The following RASSF2 variants were observed in gnomAD, a reference collection of about 807,000 sequenced individuals.
RASSF2 encodes the protein Ras association domain family member 2, also known as ras association domain-containing protein 2.
Under a neutral mutation model 46.3 loss-of-function variants are expected in RASSF2, and 34 were observed. That is an observed-to-expected ratio of 0.73 (90% confidence interval 0.56 to 0.98). The LOEUF (loss-of-function observed/expected upper bound fraction) is 0.98, where lower values mean the gene tolerates loss of function less well. RASSF2 is among the 50% of genes least tolerant of loss of function. The probability of loss-of-function intolerance (pLI) is 0.00; values close to 1 mark genes in which losing one functional copy is unlikely to be tolerated. For synonymous variants in RASSF2, 158 were observed against 162.5 expected (o/e 0.97, Z 0.21); for missense variants, 364 against 431.2 (o/e 0.84, Z 1.38).
rs985550477 is a variant in RASSF2 at position 4,790,001 on chromosome 20, A to G, written c.538-304T>C. ...TGAACAAAGCAGGAGGAAAGGAGGG[A>G]TCAGCAAGATGGGGTGGGGTGGGTG... is the stretch of plus-strand genomic sequence containing the variant. On this transcript the variant is annotated intron_variant, in intron 7 of 11. Transcript: ENST00000379400. The surrounding 1 kb of genome is among the most constrained non-coding windows in gnomAD (Gnocchi z 4.3). Among the ~76,000 whole-genome samples the G allele has an allele frequency of 7.2e-5, 11 of 152,212 alleles. No individual in the cohort carries two copies. Among genetic ancestry groups the G allele is most frequent in the African/African-American group, 2.6e-4 (11 of 41,538 alleles).
intron 2 of RASSF2, among the ~76,000 whole-genome samples, chr20:4,806,250 A>G (rs1927333201): frequency 6.6e-6 from 1 of 152,230 alleles, no homozygotes. Flanking sequence ...AGGGGAACCC[A>G]GAGCAGCCTC....
Position 4,781,748 on chromosome 20 carries a change from A to C in RASSF2, c.*2525T>G, listed in dbSNP as rs1238530524. 1.3e-5 allele frequency: 2 copies of C among 152,188 alleles called. No homozygotes were observed. The highest frequency in any genetic ancestry group is 4.8e-5 in the African/African-American group (2 of 41,432). The allele number at this position is 152,188 out of a possible 1,614,324, so 9.4% of individuals were successfully genotyped here. ...CTGCTTTTCACAAGTTGGAAAAAAA[A>C]CCCAACCCTATAAACTGGTCTTTTG... On this transcript the variant is annotated 3_prime_UTR_variant, in exon 12 of 12. Coordinates refer to ENST00000379400, the MANE Select transcript of RASSF2 (RefSeq NM_014737.3).
Position 4,790,368 on chromosome 20 carries a change from C to T in RASSF2, c.537+83G>A. 1 of 1,340,850 alleles carries T rather than the reference C, an allele frequency of 7.5e-7. No individual in the cohort carries two copies. 83.1% of individuals were successfully genotyped at this position (1,340,850 alleles called of 1,614,324 possible). On this transcript the variant is annotated intron_variant, in intron 7 of 11. Coordinates refer to ENST00000379400, the MANE Select transcript of RASSF2 (RefSeq NM_014737.3). This position sits in a 1 kb window ranked among gnomAD's most constrained non-coding sequence, Gnocchi z 4.3. ...CACTTGGCTTCCCAGGCATCCACACCACCCACCATATGGCTGTAGCCCTGA... is the reference window on the plus strand; with the variant it reads ...CACTTGGCTTCCCAGGCATCCACACTACCCACCATATGGCTGTAGCCCTGA...
Position 4,787,766 on chromosome 20 carries a change from C to A in RASSF2, c.692-12G>T. On this transcript the variant is annotated splice_polypyrimidine_tract_variant and intron_variant, in intron 9 of 11. Transcript: ENST00000379400. The stretch of plus-strand genomic sequence containing the variant: ...CAGCTTCTGTTTCTCTGCAACCACA[C>A]ACACCCAGGAGCAGCCCTGAGAGGC... The A allele has an allele frequency of 6.2e-7, 1 of 1,614,174 alleles. No homozygotes were observed. Among genetic ancestry groups the A allele is most frequent in the Non-Finnish European group, 8.5e-7 (1 of 1,180,036 alleles).
chr20:4,809,978 G>A (rs1243584700), intron 2 of RASSF2, among the ~76,000 whole-genome samples: 4 of 152,184 alleles, frequency 2.6e-5, no homozygotes, highest in South Asian at 2.1e-4. Context: ...AACGTGTGCC[G>A]CTAAGACCCA....
At chr20:4,802,019 C>T (rs1263689814) in intron 2 of RASSF2, among the ~76,000 whole-genome samples, 3 of 152,082 alleles carry the variant, frequency 2.0e-5, no homozygotes, top group South Asian at 2.1e-4. Flanking sequence ...GGATTACAGG[C>T]GTGAGCCACC....
rs140314046 is a variant in RASSF2, at chr20:4,792,076, A to G, written c.376+463T>C. 2.9e-3 allele frequency among the ~76,000 whole-genome samples: 445 copies of G among 151,858 alleles called. 4 individuals carry two copies. Among genetic ancestry groups the G allele is most frequent in the African/African-American group, 0.01 (417 of 41,406 alleles). On this transcript the variant is annotated intron_variant, in intron 6 of 11. Coordinates refer to ENST00000379400, the MANE Select transcript of RASSF2 (RefSeq NM_014737.3). ...GACCAGCCTGGCCAACATGGCAAAA[A>G]CCCATCAGCACTAGAAATACAAAAA...
At chr20:4,785,155 C>CAAAAAAA (rs11454727) in intron 11 of RASSF2, among the ~76,000 whole-genome samples, 34 of 92,524 alleles carry the variant, frequency 3.7e-4, no homozygotes, top group African/African-American at 6.6e-4. Flanking sequence ...ACTAAAAATA[C>CAAAAAAA]AAAAAAAAAA....
chr20:4,814,686 C>T (rs746334711), intron 2 of RASSF2, among the ~76,000 whole-genome samples: 7 of 152,170 alleles, frequency 4.6e-5, no homozygotes, highest in Non-Finnish European at 7.3e-5. Flanking sequence ...ATCTGACATC[C>T]ACCCTCCACC....
Position 4,782,499 on chromosome 20 carries a change from C to T in RASSF2, c.*1774G>A, listed in dbSNP as rs1358703847. On this transcript the variant is annotated 3_prime_UTR_variant, in exon 12 of 12. Coordinates refer to ENST00000379400, the MANE Select transcript of RASSF2 (RefSeq NM_014737.3). ...TTGCAGAAGCCCTTCTGGGCTTCCA[C>T]TCCATGCCCCACAGGGCTGGTGCTG... 6.6e-6 allele frequency: 1 copy of T among 152,650 alleles called. No homozygotes were observed. Among genetic ancestry groups the T allele is most frequent in the Non-Finnish European group, 1.5e-5 (1 of 68,064 alleles). 9.5% of individuals were successfully genotyped at this position (152,650 alleles called of 1,614,324 possible).
chr20:4,792,578 C>A lies in RASSF2; in HGVS notation c.337G>T (p.Asp113Tyr), dbSNP rs540503569. 1.9e-6 allele frequency: 3 copies of A among 1,613,980 alleles called. No homozygotes were observed. The highest frequency in any genetic ancestry group is 2.5e-6 in the Non-Finnish European group (3 of 1,180,000). ...TVPKVQISEV[D>Y]APPEGDQMPS... is the part of the protein sequence containing the mutation. The stretch of plus-strand genomic sequence containing the variant: ...ATCTGGTCACCCTCCGGCGGGGCAT[C>A]CACCTCTGAGATCTGAACTTTGGGC... Residue 113 changes from aspartate to tyrosine, a missense_variant, in exon 6 of 12, where the codon GAT becomes TAT. Coordinates refer to ENST00000379400, the MANE Select transcript of RASSF2 (RefSeq NM_014737.3).
In RASSF2 at chr20:4,781,831, C is replaced by T. The variant is rs1016946857; in HGVS notation, c.*2442G>A. ...ATTACATAAACTCCCACAAATCGGT[C>T]GAAGAGTTCAAAACTGCAAGACCAT... On this transcript the variant is annotated 3_prime_UTR_variant, in exon 12 of 12. Transcript: ENST00000379400. 9 of 152,224 alleles carry T rather than the reference C, an allele frequency of 5.9e-5. No homozygotes were observed. The highest frequency in any genetic ancestry group is 1.3e-4 in the Non-Finnish European group (9 of 68,042). 9.4% of individuals were successfully genotyped at this position (152,224 alleles called of 1,614,324 possible). A position where few individuals can be genotyped will look rare whatever the true frequency, so the allele number is the denominator to read the frequency against.
At position 4,812,269 on chromosome 20, in the gene RASSF2, C is replaced by T. The variant is rs114552129; in HGVS notation, c.-33+10060G>A. ...TATGGAACAGAAGCCCCATCACTGC[C>T]TGGACTCCTTTAACCCCTACACCAA... On this transcript the variant is annotated intron_variant, in intron 2 of 11. Coordinates refer to ENST00000379400, the MANE Select transcript of RASSF2 (RefSeq NM_014737.3). This position sits in a 1 kb window ranked among gnomAD's most constrained non-coding sequence, Gnocchi z 4.0. Among the ~76,000 whole-genome samples the T allele has an allele frequency of 0.02, 3,068 of 152,320 alleles. 92 individuals carry two copies. Among genetic ancestry groups the T allele is most frequent in the African/African-American group, 0.069 (2,889 of 41,570 alleles).
chr20:4,820,140 C>A (rs1928596848), intron 2 of RASSF2, among the ~76,000 whole-genome samples: 1 of 152,162 alleles, frequency 6.6e-6, no homozygotes, highest in South Asian at 2.1e-4. Flanking sequence ...CCACAGTAAC[C>A]AACAAGCAGG....
intron 4 of RASSF2, 143 bp downstream of exon 4, chr20:4,797,867 G>A (rs1167338088): frequency 7.3e-7 from 1 of 1,370,072 alleles, no homozygotes; most frequent in Admixed American, 2.9e-5. Context: ...TTCTTCCAAA[G>A]AACCCCAAGG....
intron 2 of RASSF2, among the ~76,000 whole-genome samples, chr20:4,814,091 G>A (rs1440916251): frequency 6.6e-6 from 1 of 152,184 alleles, no homozygotes; most frequent in African/African-American, 2.4e-5. Flanking sequence ...AGCTGAGCCA[G>A]TTTATAGGGT....
rs73588962 is a variant in RASSF2, at chr20:4,802,084, T to C, written c.-32-1022A>G. ...TGGCCCATTCTTTTTTAATTTCTAT[T>C]TGGAGAGAAGCGATGTCACTTTGTC... is the stretch of plus-strand genomic sequence containing the variant. On this transcript the variant is annotated intron_variant, in intron 2 of 11. Transcript: ENST00000379400. 2.1e-3 allele frequency among the ~76,000 whole-genome samples: 318 copies of C among 152,058 alleles called. 2 individuals are homozygous for C. Among genetic ancestry groups the C allele is most frequent in the African/African-American group, 7.5e-3 (312 of 41,482 alleles).
intron 2 of RASSF2, among the ~76,000 whole-genome samples, chr20:4,808,440 A>C (rs11696303): frequency 0.087 from 13,178 of 150,838 alleles, 761 homozygotes; most frequent in Admixed American, 0.17. Context: ...AAAGGAGAAG[A>C]GGGGCAGAAA....
chr20:4,795,742 A>C lies in RASSF2; in HGVS notation c.287+73T>G. 2 of 1,517,278 alleles carry C rather than the reference A, an allele frequency of 1.3e-6. No homozygotes were observed. The highest frequency in any genetic ancestry group is 1.9e-5 in the Admixed American group (1 of 51,990). The allele number at this position is 1,517,278 out of a possible 1,614,324, so 94.0% of individuals were successfully genotyped here. On this transcript the variant is annotated intron_variant, in intron 5 of 11. Coordinates refer to ENST00000379400, the MANE Select transcript of RASSF2 (RefSeq NM_014737.3). This position sits in a 1 kb window ranked among gnomAD's most constrained non-coding sequence, Gnocchi z 4.0. ...TCAGGGCTGGCTGGAAGAAGGCAGC[A>C]TTTATCTGCTTGAGAACACATAGAA...
Sources: gnomAD v4.1 joint callset for allele counts (sites outside exome capture counted in the v4.1 genomes callset) on GRCh38, gnomAD v4.1.1 for gene constraint, Gnocchi (gnomAD v3.1) non-coding constraint, MANE v1.5 for transcripts, NCBI Gene and HGNC (gene_info 2026-07-23, HGNC 2026-07-21) for gene names.